The following DGKB variants were observed in gnomAD, a reference collection of about 807,000 sequenced individuals.
DGKB encodes 90 kDa diacylglycerol kinase.
A neutral mutation model predicts 114.3 loss-of-function variants in DGKB; 67 were observed. That is an observed-to-expected ratio of 0.59 (90% confidence interval 0.48 to 0.72). The LOEUF is 0.72. DGKB is among the 30% of genes least tolerant of loss of function. The pLI is 0.00. For synonymous variants in DGKB, 398 were observed against 323.1 expected, an observed-to-expected ratio of 1.23 and a Z score of -2.49; for missense variants, 907 against 975.2, an observed-to-expected ratio of 0.93 and a Z score of 0.93.
At chr7:14,370,694 G>A (rs1412987219) in intron 21 of DGKB, among the ~76,000 whole-genome samples, 1 of 151,956 alleles carries the variant, frequency 6.6e-6, no homozygotes, top group East Asian at 1.9e-4. Flanking sequence ...TTAGATTCAG[G>A]GAGGGCACGT....
chr7:14,753,171 A>C (rs1003096633), intron 4 of DGKB, among the ~76,000 whole-genome samples: 5 of 152,196 alleles, frequency 3.3e-5, no homozygotes, highest in Non-Finnish European at 7.4e-5. Flanking sequence ...CAAACAATTT[A>C]AGAATAAGAA....
rs189626942 is a variant in DGKB, at chr7:14,939,417, C to T, written c.-188+35279G>A. 2.9e-3 allele frequency among the ~76,000 whole-genome samples: 444 copies of T among 152,080 alleles called. 2 individuals are homozygous for T. The highest frequency in any genetic ancestry group is 0.01 in the African/African-American group (417 of 41,484). ...TTAACTAGAGAGTAGACAAAATCCC[C>T]TCTCCTGTTGTGATGGCTCCAACTC... On this transcript the variant is annotated intron_variant, in intron 1 of 4. Coordinates refer to the DGKB transcript ENST00000437998.
chr7:14,312,133 T>C (rs1197697510), intron 23 of DGKB, among the ~76,000 whole-genome samples: 2 of 152,184 alleles, frequency 1.3e-5, no homozygotes, highest in African/African-American at 4.8e-5. Flanking sequence ...TAGATCCACA[T>C]GGAACAAAAA....
intron 1 of DGKB, among the ~76,000 whole-genome samples, chr7:14,901,155 C>T (rs116664163): frequency 0.013 from 1,969 of 152,134 alleles, 43 homozygotes; most frequent in African/African-American, 0.045. Context: ...TCCAACAATG[C>T]CAAAAAATAT....
intron 2 of DGKB, among the ~76,000 whole-genome samples, chr7:14,804,140 T>C (rs1842522727): frequency 6.6e-6 from 1 of 151,704 alleles, no homozygotes; most frequent in South Asian, 2.1e-4. Context: ...TACTGAACTT[T>C]GTGACTGCAT....
chr7:14,869,002 A>G (rs1054044444), intron 1 of DGKB, among the ~76,000 whole-genome samples: 1 of 152,200 alleles, frequency 6.6e-6, no homozygotes, highest in Non-Finnish European at 1.5e-5. Flanking sequence ...TCTTAGAGGT[A>G]AAGATAGAAC....
chr7:14,697,900 AAG>A (rs778417818), intron 8 of DGKB, among the ~76,000 whole-genome samples, 193 bp downstream of exon 8: 2 of 129,264 alleles, frequency 1.5e-5, no homozygotes, highest in African/African-American at 3.6e-5. Context: ...AAGAAAGAGA[AAG>A]AGAGAAGGAA....
At chr7:14,774,322 T>C (rs1449277287) in intron 2 of DGKB, among the ~76,000 whole-genome samples, 1 of 152,204 alleles carries the variant, frequency 6.6e-6, no homozygotes, top group African/African-American at 2.4e-5. Flanking sequence ...GAACTTTGCC[T>C]AAGGCACATT....
intron 20 of DGKB, among the ~76,000 whole-genome samples, chr7:14,569,725 G>C (rs1798096631): frequency 6.6e-6 from 1 of 151,842 alleles, no homozygotes; most frequent in South Asian, 2.1e-4. Context: ...TAGCTATTTT[G>C]TCATACATAT....
At chr7:14,633,954 A>G (rs113535614) in intron 13 of DGKB, among the ~76,000 whole-genome samples, 138 of 151,600 alleles carry the variant, frequency 9.1e-4, no homozygotes, top group Middle Eastern at 6.8e-3. Flanking sequence ...TCTAATGTGT[A>G]ATCATTTTAA....
intron 20 of DGKB, among the ~76,000 whole-genome samples, chr7:14,488,805 C>T (rs1023412735): frequency 6.7e-5 from 10 of 149,464 alleles, no homozygotes; most frequent in South Asian, 2.1e-4. Flanking sequence ...TCCATCCAAA[C>T]GGGGTGACAG....
chr7:14,357,988 T>C (rs962547728), intron 21 of DGKB, among the ~76,000 whole-genome samples: 1 of 152,202 alleles, frequency 6.6e-6, no homozygotes, highest in African/African-American at 2.4e-5. Flanking sequence ...CTTCCCTTTG[T>C]GGGTAACCCG....
intron 23 of DGKB, among the ~76,000 whole-genome samples, chr7:14,184,451 T>C (rs1237337146): frequency 1.3e-5 from 2 of 152,020 alleles, no homozygotes; most frequent in East Asian, 3.9e-4. Context: ...ACGGTGAGAG[T>C]TAGAACGGGC....
At chr7:14,966,257 C>A (rs375485572) in intron 1 of DGKB, among the ~76,000 whole-genome samples, 145 of 152,064 alleles carry the variant, frequency 9.5e-4, no homozygotes, top group Middle Eastern at 6.8e-3. Context: ...CTGATGAACC[C>A]AGTCTTAAGA....
intron 23 of DGKB, among the ~76,000 whole-genome samples, chr7:14,225,682 G>T (rs2128330632): frequency 6.6e-6 from 1 of 151,938 alleles, no homozygotes; most frequent in East Asian, 2.0e-4. Flanking sequence ...TCAGGTTAAT[G>T]ATATAGACAA....
intron 21 of DGKB, among the ~76,000 whole-genome samples, chr7:14,388,537 T>C (rs1820804451): frequency 6.6e-6 from 1 of 151,262 alleles, no homozygotes; most frequent in Admixed American, 6.6e-5. Flanking sequence ...AGTCATCATT[T>C]CAACACTTAA....
chr7:14,910,488 A>C (rs1783946391), intron 1 of DGKB, among the ~76,000 whole-genome samples: 1 of 152,112 alleles, frequency 6.6e-6, no homozygotes. Context: ...TTTTTTGGCT[A>C]CCAAAATTGT....
At chr7:14,903,212 A>AGTGGGTGTGT (rs1783390855), upstream of DGKB, 1 of 137,408 alleles carries the variant, frequency 7.3e-6, no homozygotes, top group Non-Finnish European at 1.6e-5. Context: ...AAGTCTGTGC[A>AGTGGGTGTGT]GTGTGTGTGT....
intron 23 of DGKB, among the ~76,000 whole-genome samples, chr7:14,307,785 T>G (rs184065193): frequency 1.6e-4 from 25 of 152,284 alleles, no homozygotes; most frequent in Non-Finnish European, 3.1e-4. Context: ...TTCTTTTTCT[T>G]TTAGAATCAT....
Sources: allele counts gnomAD v4.1 joint callset (sites outside exome capture counted in the v4.1 genomes callset), GRCh38; gene constraint gnomAD v4.1.1; transcripts MANE v1.5; gene names NCBI Gene and HGNC (gene_info 2026-07-23, HGNC 2026-07-21).